Variants in FBXL5 observed in about 807,000 individuals in gnomAD.
FBXL5 encodes the protein F-box/LRR-repeat protein 5.
A neutral mutation model predicts 78.3 loss-of-function variants in FBXL5; 26 were observed. That is an observed-to-expected ratio of 0.33 (90% CI 0.24 to 0.46). The LOEUF (loss-of-function observed/expected upper bound fraction) is 0.46. Among genes scored for constraint, FBXL5 ranks in the 20% least tolerant of loss-of-function variants. The pLI, the probability that FBXL5 is intolerant of heterozygous loss-of-function variation, is 1.00. For synonymous variants in FBXL5, 295 were observed against 282.5 expected, an observed-to-expected ratio of 1.04 and a Z score of -0.45; for missense variants, 710 against 829.2, an observed-to-expected ratio of 0.86 and a Z score of 1.77.
At chr4:15,648,888 C>T (rs1715642248) in intron 1 of FBXL5, among the ~76,000 whole-genome samples, 1 of 152,180 alleles carries the variant, frequency 6.6e-6, no homozygotes, top group South Asian at 2.1e-4. Flanking sequence ...AAAGGGTAAT[C>T]GTTTGTGGTG....
intron 9 of FBXL5, among the ~76,000 whole-genome samples, chr4:15,617,545 C>CAAAAAA (rs34036474): frequency 8.7e-6 from 1 of 114,290 alleles, no homozygotes; most frequent in African/African-American, 3.4e-5. Context: ...CTCCATGTCT[C>CAAAAAA]AAAAAAAAAA....
chr4:15,653,858 C>T (rs1716458737), intron 1 of FBXL5, among the ~76,000 whole-genome samples: 1 of 152,188 alleles, frequency 6.6e-6, no homozygotes, highest in Non-Finnish European at 1.5e-5. Flanking sequence ...ATCATTTATA[C>T]CTGATGTCTG....
intron 1 of FBXL5, among the ~76,000 whole-genome samples, chr4:15,677,416 T>G (rs951244029): frequency 6.6e-6 from 1 of 152,172 alleles, no homozygotes; most frequent in East Asian, 1.9e-4. Flanking sequence ...TCATAGGGGT[T>G]GGGAGATAGA....
chr4:15,611,267 C>A (rs746323856), intron 10 of FBXL5, among the ~76,000 whole-genome samples: 1 of 152,064 alleles, frequency 6.6e-6, no homozygotes, highest in Non-Finnish European at 1.5e-5. Flanking sequence ...TTAAGGAAAA[C>A]CTAATCTCGA....
intron 1 of FBXL5, among the ~76,000 whole-genome samples, chr4:15,653,249 A>C (rs1716355762): frequency 6.6e-6 from 1 of 152,214 alleles, no homozygotes; most frequent in African/African-American, 2.4e-5. Context: ...TGTCAAATTG[A>C]AAATGCTTTA....
chr4:15,628,568 T>C (rs1340241120), intron 6 of FBXL5, among the ~76,000 whole-genome samples: 4 of 152,130 alleles, frequency 2.6e-5, no homozygotes, highest in African/African-American at 7.2e-5. Context: ...TGTATTACCT[T>C]TCTCAGGATC....
chr4:15,640,964 A>G (rs1015322870), intron 2 of FBXL5, 81 bp from the exon 3 acceptor site: 4 of 691,624 alleles, frequency 5.8e-6, no homozygotes, highest in Non-Finnish European at 9.4e-6. Flanking sequence ...TTAAAATGTG[A>G]CATAAAACCT....
In FBXL5 at chr4:15,655,105, G is replaced by C. The variant is rs879299304; in HGVS notation, c.84+99C>G. ...CGGCTACTCGCGCGGCGACGGCACG[G>C]GGCTGCGGGCGCGGCGCAGGCCAGG... On this transcript the variant is annotated intron_variant, in intron 1 of 10. Transcript: ENST00000341285. 7,001 of 969,894 alleles carry C rather than the reference G, an allele frequency of 7.2e-3. 34 individuals carry two copies. Among genetic ancestry groups the C allele is most frequent in the Non-Finnish European group, 8.6e-3 (6,549 of 758,580 alleles). The allele number at this position is 969,894 out of a possible 1,614,324, so 60.1% of individuals were successfully genotyped here. A position where few individuals can be genotyped will look rare whatever the true frequency, so the allele number is the denominator to read the frequency against.
intron 9 of FBXL5, among the ~76,000 whole-genome samples, chr4:15,620,706 T>C (rs958793712): frequency 4.6e-5 from 7 of 152,250 alleles, no homozygotes; most frequent in Non-Finnish European, 7.3e-5. Flanking sequence ...TCTGCAGCAC[T>C]GTGACATGTT....
At chr4:15,624,762 T>C (rs1712849563) in intron 9 of FBXL5, among the ~76,000 whole-genome samples, 1 of 152,172 alleles carries the variant, frequency 6.6e-6, no homozygotes, top group Admixed American at 6.5e-5. Flanking sequence ...TTCTAAACTC[T>C]AGCTACATAT....
At chr4:15,655,391 CCCGTCGGCGCGCGCGCCCGGT>C, upstream of FBXL5, 1 of 1,043,218 alleles carries the variant, frequency 9.6e-7, no homozygotes. Context: ...ATGCGCCCGC[CCCGTCGGCGCGCGCGCCCGGT>C]CGGCTTGGCC....
chr4:15,673,784 C>T (rs1442177788), intron 1 of FBXL5, among the ~76,000 whole-genome samples: 2 of 152,178 alleles, frequency 1.3e-5, no homozygotes, highest in Non-Finnish European at 2.9e-5. Flanking sequence ...TCTGGCTGCA[C>T]TGGTTTCACC....
chr4:15,655,325 G>C lies in FBXL5; in HGVS notation c.-38C>G, dbSNP rs1451977215. On this transcript the variant is annotated 5_prime_UTR_variant, in exon 1 of 11. Transcript: ENST00000341285. ...AGCCTCCGCCTCAGCAGCCGCGGCCGCCGCCTCTCCATAGACACCCTCGCC... is the reference window on the plus strand; with the variant it reads ...AGCCTCCGCCTCAGCAGCCGCGGCCCCCGCCTCTCCATAGACACCCTCGCC... 2 of 1,351,634 alleles carry C rather than the reference G, an allele frequency of 1.5e-6. No individual in the cohort carries two copies. Among genetic ancestry groups the C allele is most frequent in the Admixed American group, 2.4e-5 (1 of 41,534 alleles). The allele number at this position is 1,351,634 out of a possible 1,614,324, so 83.7% of individuals were successfully genotyped here.
Position 15,625,275 on chromosome 4 carries a change from A to G in FBXL5, c.1827T>C (p.Tyr609=), listed in dbSNP as rs749760400. 1.7e-5 allele frequency: 28 copies of G among 1,612,804 alleles called. No homozygotes were observed. Among genetic ancestry groups the G allele is most frequent in the Non-Finnish European group, 2.0e-5 (24 of 1,179,318 alleles). The part of the protein sequence containing the change: ...VLLFLSLSGC[Y]QITDHGLRVL... The stretch of plus-strand genomic sequence containing the variant: ...ACCTGAGACCATGGTCTGTGATCTG[A>G]TAACATCCAGATAAACTGAGAAACA... Residue 609 remains tyrosine, a synonymous_variant, in exon 9 of 11, where the codon TAT becomes TAC. Coordinates refer to ENST00000341285, the MANE Select transcript of FBXL5 (RefSeq NM_012161.4).
exon 1 of FBXL5, chr4:15,681,554 C>T (rs908336171): frequency 1.3e-5 from 2 of 154,462 alleles, no homozygotes; most frequent in Non-Finnish European, 2.9e-5. Context: ...CGCGGTGTCT[C>T]CTAGGGTTTC....
chr4:15,616,733 C>A (rs10034315), intron 9 of FBXL5, among the ~76,000 whole-genome samples: 1 of 152,062 alleles, frequency 6.6e-6, no homozygotes, highest in East Asian at 1.9e-4. Flanking sequence ...CAGGGATCTC[C>A]CCACTGCTTC....
At chr4:15,662,639 C>T (rs1717366065), upstream of FBXL5, among the ~76,000 whole-genome samples, 1 of 152,166 alleles carries the variant, frequency 6.6e-6, no homozygotes, top group African/African-American at 2.4e-5. Context: ...TCACCATTCC[C>T]AGCCCAGAAA....
At chr4:15,680,560 C>A (rs577489063) in intron 1 of FBXL5, among the ~76,000 whole-genome samples, 1 of 152,044 alleles carries the variant, frequency 6.6e-6, no homozygotes, top group East Asian at 1.9e-4. Context: ...GCCTGTAATC[C>A]CAGCTACTCG....
intron 1 of FBXL5, among the ~76,000 whole-genome samples, chr4:15,645,350 G>A (rs1233226220): frequency 2.0e-5 from 3 of 152,144 alleles, no homozygotes; most frequent in African/African-American, 7.2e-5. Flanking sequence ...TAGTGAACCA[G>A]TTTTAAAGTC....
Sources: allele counts gnomAD v4.1 joint callset (sites outside exome capture counted in the v4.1 genomes callset), GRCh38; gene constraint gnomAD v4.1.1; transcripts MANE v1.5; gene names NCBI Gene and HGNC (gene_info 2026-07-23, HGNC 2026-07-21).